CORO1C: variants seen among roughly 807,000 people sequenced by gnomAD.
CORO1C encodes the protein coronin 1C, also known as coronin-1C.
Under a neutral mutation model 51.2 loss-of-function variants are expected in CORO1C, and 14 were observed. The observed-to-expected ratio is 0.27, with a 90% CI of 0.18 to 0.43. The LOEUF (loss-of-function observed/expected upper bound fraction) is 0.43, where lower values mean the gene tolerates loss of function less well. CORO1C is among the 20% of genes least tolerant of loss of function. The pLI, the probability that CORO1C is intolerant of heterozygous loss-of-function variation, is 1.00. For missense variants in CORO1C, 417 were observed against 607.8 expected, an observed-to-expected ratio of 0.69 and a Z score of 3.30; for synonymous variants, 181 against 210.5, an observed-to-expected ratio of 0.86 and a Z score of 1.21.
Position 108,706,197 on chromosome 12 carries a change from A to C in CORO1C, c.-5-4874T>G, listed in dbSNP as rs556829884. ...GTGAGACTCTGAATCAAAAAAAAAC[A>C]AAAAAAACAAAAAAAAAGCATTTGA... On this transcript the variant is annotated intron_variant, in intron 1 of 10. Transcript: ENST00000261401. Among the ~76,000 whole-genome samples the C allele has an allele frequency of 7.1e-3, 1,057 of 147,854 alleles. 38 individuals are homozygous for C. The highest frequency in any genetic ancestry group is 0.024 in the African/African-American group (998 of 40,748).
In CORO1C at chr12:108,731,487, C is replaced by G. The variant is rs1046718817; in HGVS notation, c.-64G>C. 6.6e-6 allele frequency: 1 copy of G among 151,976 alleles called. No individual in the cohort carries two copies. Among genetic ancestry groups the G allele is most frequent in the Non-Finnish European group, 1.5e-5 (1 of 68,070 alleles). 9.4% of individuals were successfully genotyped at this position (151,976 alleles called of 1,614,324 possible). The stretch of plus-strand genomic sequence containing the variant: ...GTCCCCGCTGCAAAGCCGGGCGAAG[C>G]CTCCAACCGCTGCCGCCTCCAGCCT... On this transcript the variant is annotated 5_prime_UTR_variant, in exon 1 of 11. Coordinates refer to ENST00000261401, the MANE Select transcript of CORO1C (RefSeq NM_014325.4). The surrounding 1 kb of genome is among the most constrained non-coding windows in gnomAD (Gnocchi z 5.2).
At chr12:108,715,649 C>A (rs553592140) in intron 1 of CORO1C, among the ~76,000 whole-genome samples, 2 of 38,152 alleles carry the variant, frequency 5.2e-5, no homozygotes, top group Non-Finnish European at 9.2e-5. Flanking sequence ...CCCCCTCCCC[C>A]CCGCATACTC....
rs73406596 is a variant in CORO1C, at chr12:108,689,370, C to T, written c.196-10976G>A. 5.8e-3 allele frequency among the ~76,000 whole-genome samples: 879 copies of T among 152,328 alleles called. 9 individuals are homozygous for T. The highest frequency in any genetic ancestry group is 0.02 in the African/African-American group (830 of 41,558). On this transcript the variant is annotated intron_variant, in intron 2 of 10. Transcript: ENST00000261401. ...ATTCCCATGGTGATAAAAAGTGACACATTCATTCGAGTGATAAGTCAAATC... is the reference window on the plus strand; with the variant it reads ...ATTCCCATGGTGATAAAAAGTGACATATTCATTCGAGTGATAAGTCAAATC...
chr12:108,649,580 G>C (rs905888444), intron 8 of CORO1C: 3 of 159,084 alleles, frequency 1.9e-5, no homozygotes, highest in Admixed American at 1.8e-4. Context: ...TGTGGAAAGA[G>C]AATGTAAAGC....
intron 8 of CORO1C, chr12:108,652,055 C>CTTTTTTTTTTTTTTTTTTTTT (rs202228272): frequency 7.0e-6 from 1 of 142,370 alleles, no homozygotes; most frequent in African/African-American, 3.1e-5. Context: ...TTTTTCTTTT[C>CTTTTTTTTTTTTTTTTTTTTT]TTTTTTTTTT....
intron 3 of CORO1C, among the ~76,000 whole-genome samples, chr12:108,674,574 CT>C (rs1327342758): frequency 6.8e-6 from 1 of 147,848 alleles, no homozygotes; most frequent in African/African-American, 2.5e-5. Flanking sequence ...AAAAAAAAAC[CT>C]TCTGGAAAGG....
chr12:108,655,926 G>C (rs1467284559), intron 6 of CORO1C, among the ~76,000 whole-genome samples: 1 of 151,490 alleles, frequency 6.6e-6, no homozygotes, highest in Admixed American at 6.6e-5. Flanking sequence ...ATCCCGTCTA[G>C]GAAGTGAGGA....
At chr12:108,711,567 C>A (rs2035180898) in intron 1 of CORO1C, among the ~76,000 whole-genome samples, 1 of 151,474 alleles carries the variant, frequency 6.6e-6, no homozygotes, top group Admixed American at 6.6e-5. Context: ...GTAATCCCAG[C>A]TATTCGGGAG....
At chr12:108,707,780 T>G (rs1363652681) in intron 1 of CORO1C, among the ~76,000 whole-genome samples, 4 of 152,104 alleles carry the variant, frequency 2.6e-5, no homozygotes, top group Non-Finnish European at 4.4e-5. Flanking sequence ...CTCCTACAAT[T>G]CAATAATAAA....
chr12:108,650,036 C>G (rs1360331480), intron 8 of CORO1C, among the ~76,000 whole-genome samples: 1 of 152,120 alleles, frequency 6.6e-6, no homozygotes, highest in Non-Finnish European at 1.5e-5. Flanking sequence ...ACTGCTCTAA[C>G]GCATCAGGGG....
intron 2 of CORO1C, among the ~76,000 whole-genome samples, chr12:108,683,107 C>T (rs1186353456): frequency 6.6e-6 from 1 of 152,114 alleles, no homozygotes; most frequent in African/African-American, 2.4e-5. Context: ...GAACAGAGTA[C>T]ATCCAAAGAA....
intron 2 of CORO1C, among the ~76,000 whole-genome samples, chr12:108,686,326 G>A (rs2034294075): frequency 6.6e-6 from 1 of 152,304 alleles, no homozygotes; most frequent in African/African-American, 2.4e-5. Context: ...AAATTTAAAT[G>A]AATGCAGAGG....
chr12:108,668,956 T>A (rs2033608021), intron 3 of CORO1C, among the ~76,000 whole-genome samples: 1 of 152,230 alleles, frequency 6.6e-6, no homozygotes, highest in Non-Finnish European at 1.5e-5. Flanking sequence ...AGAAAAGAAC[T>A]CACAGAGCCA....
intron 1 of CORO1C, among the ~76,000 whole-genome samples, chr12:108,702,206 A>G (rs964024811): frequency 2.6e-5 from 4 of 152,172 alleles, no homozygotes; most frequent in Non-Finnish European, 5.9e-5. Flanking sequence ...AGTAAACCAG[A>G]CTTGAGGAAG....
chr12:108,721,816 C>T (rs980732545), intron 1 of CORO1C, among the ~76,000 whole-genome samples: 9 of 152,068 alleles, frequency 5.9e-5, no homozygotes, highest in Non-Finnish European at 2.9e-5. Flanking sequence ...CCCCAATTTA[C>T]AATCACTACC....
intron 2 of CORO1C, among the ~76,000 whole-genome samples, chr12:108,700,717 A>G (rs1223419644): frequency 2.0e-5 from 3 of 152,156 alleles, no homozygotes; most frequent in Non-Finnish European, 2.9e-5. Context: ...AAAAGAGAAT[A>G]TTATCTTACA....
chr12:108,703,026 T>TCA lies in CORO1C; in HGVS notation c.-5-1705_-5-1704dup, dbSNP rs1305488228. The TCA allele has an allele frequency of 1.2e-5, 16 of 1,325,454 alleles. No homozygotes were observed. In the African/African-American group the frequency reaches 2.4e-4, roughly 20 times the overall value. 82.1% of individuals were successfully genotyped at this position (1,325,454 alleles called of 1,614,324 possible). On this transcript the variant is annotated intron_variant, in intron 1 of 10. Coordinates refer to ENST00000261401, the MANE Select transcript of CORO1C (RefSeq NM_014325.4). ...ATTTTGGAATCAATATGAATACTTC[T>TCA]CAAGCGTGAGTTAGATAAGACAGCT...
At chr12:108,649,702 T>A (rs1254981855) in intron 8 of CORO1C, 1 of 152,302 alleles carries the variant, frequency 6.6e-6, no homozygotes, top group Non-Finnish European at 1.5e-5. Context: ...AGAAATGACT[T>A]CTCTTATGAT....
chr12:108,716,260 A>G (rs2035335514), intron 1 of CORO1C, among the ~76,000 whole-genome samples: 1 of 151,956 alleles, frequency 6.6e-6, no homozygotes, highest in Admixed American at 6.6e-5. Context: ...AAACTTGTTA[A>G]GTCTGTTTTT....
Sources: gnomAD v4.1 joint callset for allele counts (sites outside exome capture counted in the v4.1 genomes callset) on GRCh38, gnomAD v4.1.1 for gene constraint, Gnocchi (gnomAD v3.1) non-coding constraint, MANE v1.5 for transcripts, NCBI Gene and HGNC (gene_info 2026-07-23, HGNC 2026-07-21) for gene names.